Variants in DHX8 observed in about 807,000 individuals in gnomAD.
DHX8 encodes the protein ATP-dependent RNA helicase DHX8.
DHX8 carries 67 observed loss-of-function variants against 140.7 expected under a neutral mutation model. The ratio of observed to expected loss-of-function variants is 0.48; its 90% confidence interval spans 0.39 to 0.58. The LOEUF is 0.58. DHX8 is among the 20% of genes least tolerant of loss of function. The pLI, the probability that DHX8 is intolerant of heterozygous loss-of-function variation, is 0.00. For missense variants in DHX8, 887 were observed against 1,550.7 expected, an observed-to-expected ratio of 0.57 and a Z score of 7.19; for synonymous variants, 533 against 553.2, an observed-to-expected ratio of 0.96 and a Z score of 0.51.
chr17:43,520,897 A>G lies in DHX8; in HGVS notation c.3066+18A>G. ...GGCCCAAGGTAGGAAGTTCAGATCC[A>G]AGTTTAGATGGGGGTGCCATGAAGT... On this transcript the variant is annotated intron_variant, in intron 20 of 22. Coordinates refer to ENST00000262415, the MANE Select transcript of DHX8 (RefSeq NM_004941.3). 1 of 1,595,220 alleles carries G rather than the reference A, an allele frequency of 6.3e-7. No homozygotes were observed. Among genetic ancestry groups the G allele is most frequent in the Non-Finnish European group, 8.5e-7 (1 of 1,171,344 alleles).
chr17:43,522,764 A>C (rs1458710286), intron 22 of DHX8, among the ~76,000 whole-genome samples: 3 of 145,546 alleles, frequency 2.1e-5, no homozygotes, highest in Admixed American at 6.9e-5. Flanking sequence ...AAAAAAAAAA[A>C]AAAACCAACT....
At chr17:43,513,011 C>A (rs1969929724) in intron 16 of DHX8, among the ~76,000 whole-genome samples, 1 of 152,184 alleles carries the variant, frequency 6.6e-6, no homozygotes, top group South Asian at 2.1e-4. Flanking sequence ...GCCAGGAAAT[C>A]TCTGCTTTCC....
intron 16 of DHX8, 44 bp downstream of exon 16, chr17:43,508,564 GT>G: frequency 7.2e-7 from 1 of 1,398,172 alleles, no homozygotes; most frequent in Non-Finnish European, 1.0e-6. Flanking sequence ...CTGAAACCAT[GT>G]GTTGTGTGCA....
chr17:43,498,284 ACAGGTCTGTAC>A (rs1968984622), intron 9 of DHX8, among the ~76,000 whole-genome samples: 1 of 151,536 alleles, frequency 6.6e-6, no homozygotes, highest in Non-Finnish European at 1.5e-5. Context: ...AGCTGGGATT[ACAGGTCTGTAC>A]CACCAAGCCC....
intron 9 of DHX8, among the ~76,000 whole-genome samples, 162 bp downstream of exon 9, chr17:43,496,430 T>C (rs1358076205): frequency 6.6e-6 from 1 of 152,050 alleles, no homozygotes; most frequent in East Asian, 1.9e-4. Context: ...AAGCAAGAAG[T>C]TCATTTTTCT....
At chr17:43,507,744 T>C in intron 14 of DHX8, 56 bp downstream of exon 14, 1 of 1,612,032 alleles carries the variant, frequency 6.2e-7, no homozygotes, top group Admixed American at 1.7e-5. Flanking sequence ...ATTCTGGCAG[T>C]TGGATTTGAG....
At chr17:43,522,899 A>G (rs1220002821) in intron 22 of DHX8, among the ~76,000 whole-genome samples, 1 of 151,680 alleles carries the variant, frequency 6.6e-6, no homozygotes, top group East Asian at 1.9e-4. Flanking sequence ...CCATGTCTCT[A>G]CTAAAAATAC....
chr17:43,497,082 T>G (rs2154586477), intron 9 of DHX8, among the ~76,000 whole-genome samples: 1 of 152,320 alleles, frequency 6.6e-6, no homozygotes, highest in South Asian at 2.1e-4. Flanking sequence ...TTAGATCTTC[T>G]TTCTTCCTTC....
At chr17:43,540,747 C>T (rs1971477768) in intron 3 of DHX8, among the ~76,000 whole-genome samples, 1 of 152,158 alleles carries the variant, frequency 6.6e-6, no homozygotes, top group African/African-American at 2.4e-5. Flanking sequence ...AGCCAGGCTC[C>T]CCACTGTGCC....
intron 3 of DHX8, among the ~76,000 whole-genome samples, chr17:43,538,502 C>G (rs1352274292): frequency 6.6e-6 from 1 of 152,116 alleles, no homozygotes; most frequent in Non-Finnish European, 1.5e-5. Flanking sequence ...ATGGGTGGAG[C>G]TGGGTTGGGG....
intron 3 of DHX8, among the ~76,000 whole-genome samples, chr17:43,538,388 G>A (rs1971352958): frequency 6.6e-6 from 1 of 152,186 alleles, no homozygotes; most frequent in Non-Finnish European, 1.5e-5. Context: ...AGAAGGCAAA[G>A]GACACTGGCT....
intron 3 of DHX8, among the ~76,000 whole-genome samples, chr17:43,541,955 G>A (rs1261156545): frequency 1.3e-5 from 2 of 152,116 alleles, no homozygotes; most frequent in East Asian, 1.9e-4. Context: ...GCACTCGGAC[G>A]CATATTCAGG....
chr17:43,503,496 TAAA>T (rs76447742), intron 11 of DHX8, among the ~76,000 whole-genome samples: 1 of 127,576 alleles, frequency 7.8e-6, no homozygotes. Flanking sequence ...AAACTCCATC[TAAA>T]AAAAAAAAAA....
chr17:43,508,063 C>T lies in DHX8; in HGVS notation c.2320+44C>T, dbSNP rs150841156. On this transcript the variant is annotated intron_variant, in intron 15 of 22. Transcript: ENST00000262415. The stretch of plus-strand genomic sequence containing the variant: ...TTTCCTTTTTGGGAGGCCTAATTTT[C>T]CCTCTTAGGCCAAAAGTCCTCATAT... 50 of 1,579,934 alleles carry T rather than the reference C, an allele frequency of 3.2e-5. No homozygotes were observed. The African/African-American group carries it at 6.1e-4, about 19-fold the overall frequency.
At position 43,524,250 on chromosome 17, in the gene DHX8, C is replaced by CCCA. The variant is rs1197889655; in HGVS notation, c.*406_*408dup. 5.8e-6 allele frequency: 6 copies of CCCA among 1,027,558 alleles called. No homozygotes were observed. The highest frequency in any genetic ancestry group is 1.7e-5 in the African/African-American group (1 of 58,326). The allele number at this position is 1,027,558 out of a possible 1,614,324, so 63.7% of individuals were successfully genotyped here. On this transcript the variant is annotated 3_prime_UTR_variant, in exon 23 of 23. Transcript: ENST00000262415. ...CTCATCTAAAGTGTTTGCCCCACTT[C>CCCA]CCACCCCGTCTCCAGCCCCTGTACT...
At chr17:43,490,147 G>A (rs189471294) in intron 2 of DHX8, among the ~76,000 whole-genome samples, 1 of 152,250 alleles carries the variant, frequency 6.6e-6, no homozygotes, top group African/African-American at 2.4e-5. Context: ...TAAACCTTGG[G>A]AAATAAAATG....
At chr17:43,493,614 T>C in intron 7 of DHX8, 25 bp downstream of exon 7, 4 of 1,614,128 alleles carry the variant, frequency 2.5e-6, no homozygotes, top group Non-Finnish European at 3.4e-6. Context: ...CAGCCTGTTC[T>C]TACATGTGAT....
At chr17:43,529,264 G>A, downstream of DHX8, 1 of 1,607,066 alleles carries the variant, frequency 6.2e-7, no homozygotes. Context: ...TTGGGGTAGA[G>A]ATGCTACCTT....
intron 1 of DHX8, 35 bp downstream of exon 1, chr17:43,484,220 G>T: frequency 1.3e-6 from 2 of 1,575,858 alleles, no homozygotes; most frequent in Non-Finnish European, 1.7e-6. Flanking sequence ...CCTCAGTTTG[G>T]GATTGAGGGA....
Sources: gnomAD v4.1 joint callset for allele counts (sites outside exome capture counted in the v4.1 genomes callset) on GRCh38, gnomAD v4.1.1 for gene constraint, MANE v1.5 for transcripts, NCBI Gene and HGNC (gene_info 2026-07-23, HGNC 2026-07-21) for gene names.